The following NCAM2 variants were observed in gnomAD, a reference collection of about 807,000 sequenced individuals.
The protein encoded by NCAM2 is neural cell adhesion molecule 2, also known as N-CAM-2.
NCAM2 carries 30 observed loss-of-function variants against 98.1 expected under a neutral mutation model. The observed-to-expected ratio is 0.31, with a 90% confidence interval of 0.23 to 0.41. NCAM2 has a LOEUF of 0.41. Ranked by LOEUF, NCAM2 falls within the 10% of genes least tolerant of loss-of-function variation. The pLI is 1.00. For missense variants in NCAM2, 867 were observed against 1,005.8 expected, an observed-to-expected ratio of 0.86 and a Z score of 1.87; for synonymous variants, 368 against 342.4, an observed-to-expected ratio of 1.07 and a Z score of -0.83.
intron 5 of NCAM2, among the ~76,000 whole-genome samples, chr21:21,322,643 A>G (rs1343994681): frequency 6.6e-6 from 1 of 152,164 alleles, no homozygotes; most frequent in Non-Finnish European, 1.5e-5. Flanking sequence ...CTTGGCTCAA[A>G]TAAATTTGAA....
intron 1 of NCAM2, among the ~76,000 whole-genome samples, chr21:21,176,574 CAT>C (rs1244405508): frequency 6.6e-6 from 1 of 151,890 alleles, no homozygotes; most frequent in Non-Finnish European, 1.5e-5. Flanking sequence ...TACAATGTAA[CAT>C]AGATTATTGA....
intron 1 of NCAM2, among the ~76,000 whole-genome samples, chr21:21,263,471 TA>T (rs2072002038): frequency 6.6e-6 from 1 of 152,022 alleles, no homozygotes; most frequent in Non-Finnish European, 1.5e-5. Flanking sequence ...GAAATTCATA[TA>T]AAATTACCAC....
chr21:21,075,898 C>T (rs917520757), intron 1 of NCAM2, among the ~76,000 whole-genome samples: 2 of 152,068 alleles, frequency 1.3e-5, no homozygotes, highest in Non-Finnish European at 2.9e-5. Flanking sequence ...TGGTGGATCA[C>T]CTGAGGTCAG....
intron 1 of NCAM2, among the ~76,000 whole-genome samples, chr21:21,197,087 C>T (rs1439632672): frequency 6.6e-6 from 1 of 152,140 alleles, no homozygotes. Flanking sequence ...ACCAGTGGAA[C>T]TGTGAGCTAG....
intron 12 of NCAM2, among the ~76,000 whole-genome samples, chr21:21,444,871 C>T (rs1979862397): frequency 6.6e-6 from 1 of 152,042 alleles, no homozygotes; most frequent in African/African-American, 2.4e-5. Flanking sequence ...TTGTCTTCTG[C>T]TAGCTTTGTG....
intron 16 of NCAM2, among the ~76,000 whole-genome samples, chr21:21,517,645 G>A (rs567491286): frequency 5.9e-5 from 9 of 152,088 alleles, no homozygotes; most frequent in Non-Finnish European, 1.2e-4. Flanking sequence ...ATCACCTGAG[G>A]TCAAGAGTTC....
chr21:21,383,119 T>C (rs965083474), intron 9 of NCAM2, among the ~76,000 whole-genome samples: 54 of 152,268 alleles, frequency 3.5e-4, no homozygotes, highest in Middle Eastern at 3.4e-3. Context: ...AATACTGAAT[T>C]GTGTCCTGGA....
intron 1 of NCAM2, among the ~76,000 whole-genome samples, chr21:21,076,301 A>G (rs2065680919): frequency 6.6e-6 from 1 of 152,186 alleles, no homozygotes; most frequent in South Asian, 2.1e-4. Flanking sequence ...AATTTACTAA[A>G]AAATAAACTT....
chr21:21,089,935 C>A (rs1369768487), intron 1 of NCAM2, among the ~76,000 whole-genome samples: 3 of 152,100 alleles, frequency 2.0e-5, no homozygotes, highest in African/African-American at 7.2e-5. Flanking sequence ...GGAATACAAA[C>A]TCAAAAGCCA....
intron 12 of NCAM2, among the ~76,000 whole-genome samples, chr21:21,434,144 C>G (rs2077416150): frequency 6.6e-6 from 1 of 152,156 alleles, no homozygotes; most frequent in Non-Finnish European, 1.5e-5. Flanking sequence ...GTTTATAAAA[C>G]TGAAATATAA....
intron 1 of NCAM2, among the ~76,000 whole-genome samples, chr21:21,052,312 C>T (rs748265977): frequency 5.3e-5 from 8 of 152,040 alleles, no homozygotes; most frequent in Admixed American, 2.6e-4. Context: ...TACAGGCGCC[C>T]GCCACCACGC....
intron 15 of NCAM2, among the ~76,000 whole-genome samples, chr21:21,498,723 T>G (rs563526825): frequency 2.6e-4 from 40 of 152,322 alleles, no homozygotes; most frequent in Middle Eastern, 3.4e-3. Context: ...GTATTTATTT[T>G]GGGGAGGTGA....
At chr21:21,391,961 T>G (rs1215026764) in intron 9 of NCAM2, among the ~76,000 whole-genome samples, 2 of 152,212 alleles carry the variant, frequency 1.3e-5, no homozygotes, top group Non-Finnish European at 2.9e-5. Flanking sequence ...ACTTTTAAAT[T>G]CAGGGGTACA....
intron 7 of NCAM2, among the ~76,000 whole-genome samples, chr21:21,336,225 G>T (rs187107067): frequency 1.5e-3 from 221 of 152,210 alleles, no homozygotes; most frequent in African/African-American, 5.2e-3. Context: ...GAAAGACAGT[G>T]ATGGCAGTGG....
chr21:21,028,156 C>T (rs1453314403), intron 1 of NCAM2, among the ~76,000 whole-genome samples: 1 of 152,170 alleles, frequency 6.6e-6, no homozygotes, highest in Non-Finnish European at 1.5e-5. Context: ...AGCCACCGTG[C>T]CCAGCCTTGT....
intron 15 of NCAM2, among the ~76,000 whole-genome samples, chr21:21,497,789 A>G (rs904769409): frequency 6.6e-6 from 1 of 152,204 alleles, no homozygotes; most frequent in Non-Finnish European, 1.5e-5. Flanking sequence ...ACTGTTCAGC[A>G]AAGTACACAT....
chr21:21,503,344 T>C (rs1380571624), intron 15 of NCAM2, among the ~76,000 whole-genome samples: 1 of 151,842 alleles, frequency 6.6e-6, no homozygotes, highest in African/African-American at 2.4e-5. Context: ...TTAAGTAAAA[T>C]AAGGGTTATT....
At chr21:21,286,204 G>A in intron 3 of NCAM2, 65 bp from the exon 4 acceptor site, 1 of 1,465,288 alleles carries the variant, frequency 6.8e-7, no homozygotes. Context: ...TATGTTATTG[G>A]GAGAAATAAG....
intron 1 of NCAM2, among the ~76,000 whole-genome samples, chr21:21,158,609 C>T (rs1226347003): frequency 6.7e-5 from 1 of 14,896 alleles, no homozygotes. Context: ...GTCCCCGCCC[C>T]CGCAAAAAAA....
Sources: gnomAD v4.1 joint callset for allele counts (sites outside exome capture counted in the v4.1 genomes callset) on GRCh38, gnomAD v4.1.1 for gene constraint, MANE v1.5 for transcripts, NCBI Gene and HGNC (gene_info 2026-07-23, HGNC 2026-07-21) for gene names.